The following RBFOX1 variants were observed in gnomAD, a reference collection of about 807,000 sequenced individuals.
RBFOX1 encodes RNA binding fox-1 homolog 1.
RBFOX1 carries 8 observed loss-of-function variants against 57.7 expected under a neutral mutation model. The observed-to-expected ratio is 0.14, with a 90% CI of 0.08 to 0.25. RBFOX1 has a LOEUF of 0.25. RBFOX1 is among the 10% of genes least tolerant of loss of function. RBFOX1 has a pLI of 1.00. For missense variants in RBFOX1, 611 were observed against 548.5 expected, an observed-to-expected ratio of 1.11 and a Z score of -1.14; for synonymous variants, 326 against 222.4, an observed-to-expected ratio of 1.47 and a Z score of -4.15.
chr16:6,019,915 G>C lies in RBFOX1; in HGVS notation c.-204G>C. 4 of 1,534,970 alleles carry C rather than the reference G, an allele frequency of 2.6e-6. No homozygotes were observed. The highest frequency in any genetic ancestry group is 2.4e-5 in the East Asian group (1 of 40,838). On this transcript the variant is annotated 5_prime_UTR_variant, in exon 1 of 16. Transcript: ENST00000550418. This position sits in a 1 kb window ranked among gnomAD's most constrained non-coding sequence, Gnocchi z 4.2. The stretch of plus-strand genomic sequence containing the variant: ...CTCCAGCTTATGGTGAGTGTGGCTG[G>C]GGGTGCAGAGAGCGCACGGGAATTC...
At chr16:7,067,202 C>T (rs549733174) in intron 4 of RBFOX1, among the ~76,000 whole-genome samples, 22 of 152,254 alleles carry the variant, frequency 1.4e-4, no homozygotes, top group African/African-American at 5.3e-4. Flanking sequence ...ATCTTGAAAA[C>T]TTAATTAAAG....
chr16:7,524,723 C>T (rs572037412), intron 5 of RBFOX1, among the ~76,000 whole-genome samples: 1 of 152,332 alleles, frequency 6.6e-6, no homozygotes, highest in Admixed American at 6.5e-5. Flanking sequence ...TCTTTGGCCT[C>T]AGCCGCTTCC....
intron 3 of RBFOX1, among the ~76,000 whole-genome samples, chr16:6,957,558 C>G (rs1410504963): frequency 2.6e-5 from 4 of 152,086 alleles, no homozygotes; most frequent in East Asian, 1.9e-4. Flanking sequence ...AGAGGTGACT[C>G]TCATCACCAT....
intron 3 of RBFOX1, among the ~76,000 whole-genome samples, chr16:5,860,310 C>T (rs1341297599): frequency 6.6e-6 from 1 of 152,032 alleles, no homozygotes; most frequent in Admixed American, 6.6e-5. Context: ...CAGGAGACCT[C>T]GTGATCCACC....
chr16:5,794,408 T>A (rs981210696), intron 3 of RBFOX1, among the ~76,000 whole-genome samples: 2 of 152,082 alleles, frequency 1.3e-5, no homozygotes, highest in African/African-American at 4.8e-5. Context: ...CAAATTCAAT[T>A]ATGTACCTGA....
intron 3 of RBFOX1, among the ~76,000 whole-genome samples, chr16:6,715,202 C>G (rs13329869): frequency 3.9e-5 from 6 of 152,192 alleles, no homozygotes; most frequent in African/African-American, 1.4e-4. Context: ...AGGGCTAAAC[C>G]TTATCAGTCA....
At chr16:6,785,104 G>T (rs1310151470) in intron 3 of RBFOX1, among the ~76,000 whole-genome samples, 1 of 151,982 alleles carries the variant, frequency 6.6e-6, no homozygotes, top group Non-Finnish European at 1.5e-5. Context: ...AGTGGTCATG[G>T]TTCCTTCCAA....
intron 3 of RBFOX1, among the ~76,000 whole-genome samples, chr16:5,656,272 A>G (rs2049427447): frequency 6.6e-6 from 1 of 152,188 alleles, no homozygotes; most frequent in Non-Finnish European, 1.5e-5. Context: ...GTTGTCTTTC[A>G]GGATGAAAAA....
chr16:6,988,736 T>TTTGTTTTTTG (rs1555723553), intron 3 of RBFOX1, among the ~76,000 whole-genome samples: 2 of 75,304 alleles, frequency 2.7e-5, no homozygotes, highest in African/African-American at 8.5e-5. Context: ...AGCTAATTTT[T>TTTGTTTTTTG]TTTTTTGTTT....
intron 3 of RBFOX1, among the ~76,000 whole-genome samples, chr16:6,663,400 T>A (rs2098713292): frequency 6.6e-6 from 1 of 152,188 alleles, no homozygotes; most frequent in South Asian, 2.1e-4. Flanking sequence ...GAGCATGACA[T>A]AGCCAGCAGG....
At chr16:6,210,899 T>C (rs1217855990) in intron 1 of RBFOX1, among the ~76,000 whole-genome samples, 1 of 152,122 alleles carries the variant, frequency 6.6e-6, no homozygotes, top group Admixed American at 6.5e-5. Context: ...TACCACTTTC[T>C]CTTAGGAAAA....
At position 6,163,509 on chromosome 16, in the gene RBFOX1, T is replaced by G. The variant is rs543958939; in HGVS notation, c.-127+143517T>G. Among the ~76,000 whole-genome samples the G allele has an allele frequency of 2.6e-5, 4 of 152,054 alleles. No individual in the cohort carries two copies. The East Asian group carries it at 5.8e-4, about 22-fold the overall frequency. On this transcript the variant is annotated intron_variant, in intron 1 of 15. Coordinates refer to ENST00000550418, the MANE Select transcript of RBFOX1 (RefSeq NM_018723.4). Reference sequence around the variant, plus strand: ...TTGACAAATCAGATAAATCATGGAGTTTTTCTTTTCTAGTTTTTACCTGAT... The same window carrying G: ...TTGACAAATCAGATAAATCATGGAGGTTTTCTTTTCTAGTTTTTACCTGAT...
At chr16:7,505,934 C>T (rs181817948) in intron 4 of RBFOX1, among the ~76,000 whole-genome samples, 5 of 152,094 alleles carry the variant, frequency 3.3e-5, no homozygotes, top group African/African-American at 9.6e-5. Context: ...GCCTGTAATC[C>T]GAGCACTTTG....
chr16:5,797,738 T>C (rs908221780), intron 3 of RBFOX1, among the ~76,000 whole-genome samples: 11 of 152,232 alleles, frequency 7.2e-5, no homozygotes, highest in Non-Finnish European at 1.3e-4. Flanking sequence ...ATAGACCATT[T>C]AGATTTTATT....
intron 4 of RBFOX1, among the ~76,000 whole-genome samples, chr16:7,374,270 C>G (rs768374994): frequency 1.3e-5 from 2 of 152,120 alleles, no homozygotes; most frequent in South Asian, 2.1e-4. Flanking sequence ...TCTGAGGCTC[C>G]GTGTTTTCGC....
intron 3 of RBFOX1, among the ~76,000 whole-genome samples, chr16:6,958,945 G>T (rs1054992596): frequency 3.3e-5 from 5 of 152,094 alleles, no homozygotes; most frequent in Admixed American, 3.3e-4. Context: ...AGGCAGCATG[G>T]TTCTATGTAA....
rs1327920845 is a variant in RBFOX1 at position 7,034,837 on chromosome 16, T to TA, written c.-15-17220_-15-17219insA. 2.4e-3 allele frequency among the ~76,000 whole-genome samples: 228 copies of TA among 94,948 alleles called. 6 individuals carry two copies. The highest frequency in any genetic ancestry group is 0.01 in the African/African-American group (218 of 21,272). 62.3% of individuals were successfully genotyped at this position (94,948 alleles called of 152,430 possible). On this transcript the variant is annotated intron_variant, in intron 3 of 15. Transcript: ENST00000550418. ...TAAGATATTGCATTACTTTTTTTTT[T>TA]TTTCTTTTTTCTTTTTTTTTTTTTT...
intron 3 of RBFOX1, among the ~76,000 whole-genome samples, chr16:6,657,211 C>T (rs1367864091): frequency 6.6e-6 from 1 of 151,744 alleles, no homozygotes; most frequent in Non-Finnish European, 1.5e-5. Flanking sequence ...CGTCTTCCTT[C>T]CTCCCTCCTT....
intron 4 of RBFOX1, among the ~76,000 whole-genome samples, chr16:7,218,937 T>A (rs1295524181): frequency 6.6e-6 from 1 of 152,114 alleles, no homozygotes; most frequent in Non-Finnish European, 1.5e-5. Flanking sequence ...TGGGCAGGCA[T>A]ATGGTCTGTG....
Sources: gnomAD v4.1 joint callset for allele counts (sites outside exome capture counted in the v4.1 genomes callset) on GRCh38, gnomAD v4.1.1 for gene constraint, Gnocchi (gnomAD v3.1) non-coding constraint, MANE v1.5 for transcripts, NCBI Gene and HGNC (gene_info 2026-07-23, HGNC 2026-07-21) for gene names.